Variants in ZNF443 observed in about 807,000 individuals in gnomAD.
ZNF443 encodes the protein zinc finger protein 443.
ZNF443 carries 3 observed loss-of-function variants against 12.0 expected under a neutral mutation model. The observed-to-expected ratio is 0.25, with a 90% CI of 0.11 to 0.64. The LOEUF (loss-of-function observed/expected upper bound fraction) is 0.64, where lower values mean the gene tolerates loss of function less well. ZNF443 is among the 30% of genes least tolerant of loss of function. The pLI, the probability that ZNF443 is intolerant of heterozygous loss-of-function variation, is 0.84. For synonymous variants in ZNF443, 225 were observed against 265.9 expected (o/e 0.85, Z 1.50); for missense variants, 770 against 808.8 (o/e 0.95, Z 0.58).
Position 12,431,706 on chromosome 19 carries a change from A to G in ZNF443, c.466T>C (p.Phe156Leu), listed in dbSNP as rs771726259. The G allele has an allele frequency of 5.5e-5, 88 of 1,614,042 alleles. No homozygotes were observed. The highest frequency in any genetic ancestry group is 2.0e-4 in the East Asian group (9 of 44,872). The change falls in exon 4 of 4, where the codon TTT becomes CTT. Residue 156 changes from phenylalanine (F) to leucine (L), a missense_variant. Phe to Leu is a conservative substitution (Grantham distance 22, BLOSUM62 0). Transcript: ENST00000301547. ...GTGTGAAGCCTCTCATGTGTTTGAA[A>G]TGAGTTGTGGTAACTGAAGGCTTTC... ...RGKAFSYHNS[F>L]QTHERLHTGK... is the part of the protein sequence containing the mutation.
chr19:12,436,340 C>T (rs1220604851), intron 1 of ZNF443, among the ~76,000 whole-genome samples: 2 of 149,832 alleles, frequency 1.3e-5, no homozygotes, highest in African/African-American at 5.0e-5. Context: ...ATTAGCTGGG[C>T]ATGGTGGTGC....
intron 1 of ZNF443, among the ~76,000 whole-genome samples, chr19:12,435,265 A>C (rs62110696): frequency 0.33 from 49,195 of 151,300 alleles, 8,230 homozygotes; most frequent in South Asian, 0.47. Flanking sequence ...TGTGAGCCAC[A>C]GTGCCCAGCC....
rs903208807 is a variant in ZNF443 at position 12,429,834 on chromosome 19, A to G, written c.*322T>C. The stretch of plus-strand genomic sequence containing the variant: ...ATCATGATTCCCTAAACAATACAAT[A>G]GAACAACTATTTGCATAGCTTTTAT... On this transcript the variant is annotated 3_prime_UTR_variant, in exon 4 of 4. Transcript: ENST00000301547. The G allele has an allele frequency of 3.9e-5, 17 of 434,732 alleles. No individual in the cohort carries two copies. The highest frequency in any genetic ancestry group is 7.0e-5 in the Non-Finnish European group (17 of 244,218). 26.9% of individuals were successfully genotyped at this position (434,732 alleles called of 1,614,324 possible).
chr19:12,431,541 A>C lies in ZNF443; in HGVS notation c.631T>G (p.Leu211Val), dbSNP rs4804183. The C allele has an allele frequency of 3.7e-6, 6 of 1,613,746 alleles. No individual in the cohort carries two copies. Among genetic ancestry groups the C allele is most frequent in the Non-Finnish European group, 5.1e-6 (6 of 1,179,966 alleles). The change falls in exon 4 of 4, where the codon TTA becomes GTA. Residue 211 changes from leucine (L) to valine (V), a missense_variant. Physicochemically the swap from Leu to Val is conservative, Grantham distance 32 (BLOSUM62 1). Around this residue, in one of 3 missense-constraint regions of ZNF443, gnomAD observed 736 missense variants for 689.4 expected, o/e 1.07. Transcript: ENST00000301547. ...TGCGTTCTTTCATGCATATGTAATAAACTGGGCCAAAAAAACGCTTTCCCA... is the reference window on the plus strand; with the variant it reads ...TGCGTTCTTTCATGCATATGTAATACACTGGGCCAAAAAAACGCTTTCCCA... ...LCGKAFFWPSLLHMHERTHTG... is the reference protein window; with the variant it reads ...LCGKAFFWPSVLHMHERTHTG...
Position 12,431,647 on chromosome 19 carries a change from C to T in ZNF443, c.525G>A (p.Gly175=), listed in dbSNP as rs372078536. The change falls in exon 4 of 4, where the codon GGG becomes GGA. Residue 175 remains glycine (G), a synonymous_variant. Transcript: ENST00000301547. The part of the protein sequence containing the change: ...GKKPYDCKEC[G]KSFSSLGNLQ... ...GGTTTCCCAAAGAACTGAAGGACTT[C>T]CCACATTCTTTACAATCATATGGTT... The T allele has an allele frequency of 3.7e-6, 6 of 1,614,160 alleles. No individual in the cohort carries two copies. The African/African-American group carries it at 8.0e-5, about 22-fold the overall frequency.
chr19:12,432,216 T>C (rs1437331278), intron 3 of ZNF443, 161 bp downstream of exon 3: 1 of 663,734 alleles, frequency 1.5e-6, no homozygotes, highest in Non-Finnish European at 2.6e-6. Flanking sequence ...TTATGAACAC[T>C]GAACAGCTAT....
intron 1 of ZNF443, 152 bp from the exon 2 acceptor site, chr19:12,433,349 T>C: frequency 1.4e-6 from 2 of 1,455,130 alleles, no homozygotes; most frequent in Non-Finnish European, 1.8e-6. Context: ...CTACACTCAC[T>C]TTCTCCTACA....
intron 1 of ZNF443, among the ~76,000 whole-genome samples, chr19:12,435,101 GC>G (rs1399510149): frequency 1.3e-5 from 2 of 151,844 alleles, no homozygotes; most frequent in East Asian, 3.9e-4. Flanking sequence ...CCTCAGCCTC[GC>G]AAGTAGCTGA....
intron 1 of ZNF443, among the ~76,000 whole-genome samples, chr19:12,434,499 A>G (rs1970288862): frequency 6.6e-6 from 1 of 152,184 alleles, no homozygotes. Flanking sequence ...ACTCAATGTC[A>G]TCTCTCATGA....
rs1218299405 is a variant in ZNF443, at chr19:12,431,502, G to T, written c.670C>A (p.Pro224Thr). The T allele has an allele frequency of 1.2e-6, 2 of 1,614,120 alleles. No individual in the cohort carries two copies. The highest frequency in any genetic ancestry group is 2.2e-5 in the East Asian group (1 of 44,886). ...MHERTHTGEK[P>T]YECKQCSKAF... ...TTAGAACACTGCTTACATTCATATG[G>T]TTTCTCTCCAGTGTGCGTTCTTTCA... Residue 224 changes from proline (P) to threonine (T), a missense_variant, in exon 4 of 4, where the codon CCA (proline) becomes ACA (threonine). Pro to Thr is a conservative substitution (Grantham distance 38). Coordinates refer to ENST00000301547, the MANE Select transcript of ZNF443 (RefSeq NM_005815.5).
Position 12,431,020 on chromosome 19 carries a change from T to C in ZNF443, c.1152A>G (p.Glu384=). The stretch of plus-strand genomic sequence containing the variant: ...AGGGTTTCTCTCCAGTGTGAGTTCT[T>C]TCATGACTTTGCAGTGAACTAGGAC... The part of the protein sequence containing the change: ...FDCPSSLQSH[E]RTHTGEKPYE... The change falls in exon 4 of 4, where the codon GAA becomes GAG. Residue 384 remains glutamate, a synonymous_variant. Coordinates refer to ENST00000301547, the MANE Select transcript of ZNF443 (RefSeq NM_005815.5). 1.2e-6 allele frequency: 2 copies of C among 1,614,146 alleles called. No homozygotes were observed. The highest frequency in any genetic ancestry group is 1.7e-6 in the Non-Finnish European group (2 of 1,179,982).
At chr19:12,434,588 C>T (rs1445272151) in intron 1 of ZNF443, among the ~76,000 whole-genome samples, 1 of 152,046 alleles carries the variant, frequency 6.6e-6, no homozygotes, top group African/African-American at 2.4e-5. Context: ...TCTAATAGAA[C>T]TCACAGTATC....
Position 12,431,053 on chromosome 19 carries a change from G to T in ZNF443, c.1119C>A (p.Gly373=), listed in dbSNP as rs1233768782. 1.2e-6 allele frequency: 2 copies of T among 1,613,932 alleles called. No individual in the cohort carries two copies. Among genetic ancestry groups the T allele is most frequent in the African/African-American group, 2.7e-5 (2 of 74,904 alleles). ...GPHKCKICGK[G]FDCPSSLQSH... is the part of the protein sequence containing the mutation. ...TTTGCAGTGAACTAGGACAATCAAA[G>T]CCTTTCCCACATATCTTACATTTAT... Residue 373 remains glycine (G), a synonymous_variant, in exon 4 of 4, where the codon GGC becomes GGA. Transcript: ENST00000301547.
chr19:12,434,224 A>G (rs1361381128), intron 1 of ZNF443, among the ~76,000 whole-genome samples: 1 of 152,234 alleles, frequency 6.6e-6, no homozygotes, highest in African/African-American at 2.4e-5. Context: ...CATTGGGTCT[A>G]TAATGAGCTT....
At chr19:12,436,774 C>T (rs1251395680) in intron 1 of ZNF443, among the ~76,000 whole-genome samples, 1 of 69,474 alleles carries the variant, frequency 1.4e-5, no homozygotes, top group Non-Finnish European at 2.8e-5. Context: ...CACACACACA[C>T]ACACACACAA....
chr19:12,430,972 T>C lies in ZNF443; in HGVS notation c.1200A>G (p.Lys400=). The change falls in exon 4 of 4, where the codon AAA becomes AAG. Residue 400 remains lysine, a synonymous_variant. Coordinates refer to ENST00000301547, the MANE Select transcript of ZNF443 (RefSeq NM_005815.5). ...GAAAGCTTGAGCGATGAGATAATGC[T>C]TTCCCACACTGCTTGCATTCATAGG... ...EKPYECKQCG[K]ALSHRSSFRS... The C allele has an allele frequency of 6.2e-7, 1 of 1,613,826 alleles. No homozygotes were observed. The highest frequency in any genetic ancestry group is 8.5e-7 in the Non-Finnish European group (1 of 1,179,792).
chr19:12,433,914 T>C (rs1312558179), intron 1 of ZNF443, among the ~76,000 whole-genome samples: 1 of 151,400 alleles, frequency 6.6e-6, no homozygotes, highest in African/African-American at 2.4e-5. Flanking sequence ...ACCTCATGAA[T>C]AGATTAATCC....
intron 1 of ZNF443, among the ~76,000 whole-genome samples, chr19:12,433,701 C>A (rs1305277391): frequency 6.6e-6 from 1 of 152,018 alleles, no homozygotes; most frequent in South Asian, 2.1e-4. Context: ...TATAGTATTT[C>A]GTTAACTCCC....
chr19:12,437,903 C>A (rs1395581971), intron 1 of ZNF443, among the ~76,000 whole-genome samples: 3 of 150,296 alleles, frequency 2.0e-5, no homozygotes, highest in Non-Finnish European at 2.9e-5. Flanking sequence ...ACCAGCCTGG[C>A]CAATATGGTG....
Sources: allele counts gnomAD v4.1 joint callset (sites outside exome capture counted in the v4.1 genomes callset), GRCh38; gene constraint gnomAD v4.1.1; regional missense constraint gnomAD v4.1.1; transcripts MANE v1.5; gene names NCBI Gene and HGNC (gene_info 2026-07-23, HGNC 2026-07-21).